The following ADAMTS2 variants were observed in gnomAD, a reference collection of about 807,000 sequenced individuals.
The protein encoded by ADAMTS2 is A disintegrin and metalloproteinase with thrombospondin motifs 2.
Under a neutral mutation model 123.0 loss-of-function variants are expected in ADAMTS2, and 50 were observed. The ratio of observed to expected loss-of-function variants is 0.41; its 90% CI spans 0.32 to 0.51. ADAMTS2 has a LOEUF of 0.51. Among genes scored for constraint, ADAMTS2 ranks in the 20% least tolerant of loss-of-function variants. The probability of loss-of-function intolerance (pLI) is 0.35; values close to 1 mark genes in which losing one functional copy is unlikely to be tolerated. For missense variants in ADAMTS2, 1,494 were observed against 1,705.2 expected, an observed-to-expected ratio of 0.88 and a Z score of 2.18; for synonymous variants, 678 against 695.4, an observed-to-expected ratio of 0.98 and a Z score of 0.39.
At chr5:179,138,893 C>T (rs781289180) in intron 11 of ADAMTS2, among the ~76,000 whole-genome samples, 1 of 152,200 alleles carries the variant, frequency 6.6e-6, no homozygotes, top group Non-Finnish European at 1.5e-5. Flanking sequence ...GCGCAGCAGC[C>T]GGGACGCACC....
At position 179,183,403 on chromosome 5, in the gene ADAMTS2, C is replaced by T. The variant is rs112175670; in HGVS notation, c.892-2248G>A. Among the ~76,000 whole-genome samples, 556 of 152,334 alleles carry T rather than the reference C, an allele frequency of 3.6e-3. 4 individuals carry two copies. The highest frequency in any genetic ancestry group is 5.9e-3 in the Non-Finnish European group (399 of 68,026). On this transcript the variant is annotated intron_variant, in intron 4 of 21. Transcript: ENST00000251582. ...ATGAGGGGCCAGGCTTCTCCTCATC[C>T]TCAACCCCAACCTCACAGGTCATAC... is the stretch of plus-strand genomic sequence containing the variant.
rs10057914 is a variant in ADAMTS2, at chr5:179,136,708, T to C, written c.1952-666A>G. Among the ~76,000 whole-genome samples, 1,337 of 144,048 alleles carry C rather than the reference T, an allele frequency of 9.3e-3. 20 individuals are homozygous for C. Among genetic ancestry groups the C allele is most frequent in the African/African-American group, 0.034 (1,295 of 38,522 alleles). The allele number at this position is 144,048 out of a possible 152,430, so 94.5% of individuals were successfully genotyped here. ...AAAAAAGGCCAGGAGCAGTGGCTCA[T>C]GCCTGTAATCCCAGCACTTTGGGAG... On this transcript the variant is annotated intron_variant, in intron 12 of 21. Coordinates refer to ENST00000251582, the MANE Select transcript of ADAMTS2 (RefSeq NM_014244.5).
At chr5:179,320,764 A>G (rs1472377582) in intron 2 of ADAMTS2, among the ~76,000 whole-genome samples, 1 of 152,186 alleles carries the variant, frequency 6.6e-6, no homozygotes, top group East Asian at 1.9e-4. Flanking sequence ...TAGCTCAGGG[A>G]TGAGGACTTG....
At chr5:179,161,346 C>A (rs192134497) in intron 5 of ADAMTS2, among the ~76,000 whole-genome samples, 20 of 152,274 alleles carry the variant, frequency 1.3e-4, no homozygotes, top group African/African-American at 4.8e-4. Flanking sequence ...GGTGCTAGAG[C>A]GTGGGCCTTG....
chr5:179,269,347 T>G (rs4700794), intron 3 of ADAMTS2, among the ~76,000 whole-genome samples: 40,589 of 152,112 alleles, frequency 0.27, 5,614 homozygotes, highest in African/African-American at 0.35. Flanking sequence ...TACCCGAGAC[T>G]GGGCAACTTA....
At chr5:179,286,196 A>G (rs1363300130) in intron 2 of ADAMTS2, among the ~76,000 whole-genome samples, 1 of 142,958 alleles carries the variant, frequency 7.0e-6, no homozygotes, top group Non-Finnish European at 1.5e-5. Context: ...CTTGGGCTAC[A>G]GAGTGAGAGA....
chr5:179,208,686 C>T (rs1310988790), intron 3 of ADAMTS2, among the ~76,000 whole-genome samples: 1 of 152,204 alleles, frequency 6.6e-6, no homozygotes, highest in Non-Finnish European at 1.5e-5. Context: ...GCTGGCCAGG[C>T]TGACCTGCAG....
chr5:179,330,604 C>T (rs987819069), intron 2 of ADAMTS2, among the ~76,000 whole-genome samples: 3 of 152,224 alleles, frequency 2.0e-5, no homozygotes, highest in Non-Finnish European at 2.9e-5. Context: ...CCCCAGTGCC[C>T]GTGATCTCCA....
At position 179,140,014 on chromosome 5, in the gene ADAMTS2, T is replaced by A; in HGVS notation, c.1651A>T (p.Ile551Phe). Residue 551 changes from isoleucine (I) to phenylalanine (F), a missense_variant, in exon 11 of 22, where the codon ATC (isoleucine) becomes TTC (phenylalanine). This residue lies in a region of ADAMTS2 where 953 missense variants were observed against 1,124.7 expected (regional missense o/e 0.85). Coordinates refer to ENST00000251582, the MANE Select transcript of ADAMTS2 (RefSeq NM_014244.5). ...TTGAGGATGTCAGGTGTCAGCCAGA[T>A]GCAGTGTCCTTTAAAACAATGCTGA... is the stretch of plus-strand genomic sequence containing the variant. ...PGKHCFKGHCIWLTPDILKRD... is the reference protein window; with the variant it reads ...PGKHCFKGHCFWLTPDILKRD... 1 of 1,614,162 alleles carries A rather than the reference T, an allele frequency of 6.2e-7. No homozygotes were observed. Among genetic ancestry groups the A allele is most frequent in the Non-Finnish European group, 8.5e-7 (1 of 1,180,034 alleles).
rs1764243863 is a variant in ADAMTS2, at chr5:179,189,238, C to G, written c.892-8083G>C. Among the ~76,000 whole-genome samples the G allele has an allele frequency of 6.6e-6, 1 of 151,940 alleles. No individual in the cohort carries two copies. The highest frequency in any genetic ancestry group is 2.1e-4 in the South Asian group (1 of 4,822). On this transcript the variant is annotated intron_variant, in intron 4 of 21. Coordinates refer to ENST00000251582, the MANE Select transcript of ADAMTS2 (RefSeq NM_014244.5). The surrounding 1 kb of genome is among the most constrained non-coding windows in gnomAD (Gnocchi z 4.2). ...AACAGGCTTTGTGTGAGCAATAAAG[C>G]TTTTTAATCACCTGGGTGCAGGTGG...
chr5:179,229,462 T>C (rs2431254), intron 3 of ADAMTS2, among the ~76,000 whole-genome samples: 7,726 of 25,574 alleles, frequency 0.3, 1,147 homozygotes, highest in East Asian at 0.43. Flanking sequence ...CACGAGACCC[T>C]GCTGCCCACT....
intron 4 of ADAMTS2, among the ~76,000 whole-genome samples, chr5:179,184,283 C>T (rs569558740): frequency 1.1e-3 from 174 of 152,188 alleles, no homozygotes; most frequent in Non-Finnish European, 1.8e-3. Flanking sequence ...GAGGCCAAGG[C>T]GGTGGATCAC....
chr5:179,243,697 C>T (rs1765717968), intron 3 of ADAMTS2, among the ~76,000 whole-genome samples: 1 of 152,102 alleles, frequency 6.6e-6, no homozygotes, highest in South Asian at 2.1e-4. Flanking sequence ...GTAAGAAAGC[C>T]CAGATGTCAG....
intron 3 of ADAMTS2, among the ~76,000 whole-genome samples, chr5:179,235,849 G>A (rs1407294939): frequency 3.9e-5 from 6 of 152,192 alleles, no homozygotes; most frequent in Non-Finnish European, 1.5e-5. Flanking sequence ...CTCCAACAGT[G>A]CCCCCACCCT....
chr5:179,313,691 C>T (rs11738068), intron 2 of ADAMTS2, among the ~76,000 whole-genome samples: 2 of 18,568 alleles, frequency 1.1e-4, no homozygotes, highest in African/African-American at 3.0e-4. Flanking sequence ...AGGACGCACA[C>T]GCATTCACAC....
chr5:179,209,447 G>A (rs948968552), intron 3 of ADAMTS2, among the ~76,000 whole-genome samples: 4 of 152,198 alleles, frequency 2.6e-5, no homozygotes, highest in Admixed American at 2.0e-4. Flanking sequence ...CAGCTGCTGG[G>A]GTTCCAGTAC....
intron 3 of ADAMTS2, among the ~76,000 whole-genome samples, chr5:179,240,051 T>A (rs986436593): frequency 6.6e-6 from 1 of 151,866 alleles, no homozygotes; most frequent in Admixed American, 6.6e-5. Flanking sequence ...ACCTAGGGGG[T>A]GCTGCTGAGA....
In ADAMTS2 at chr5:179,303,628, C is replaced by A. The variant is rs1378110836; in HGVS notation, c.535-30564G>T. Among the ~76,000 whole-genome samples, 1 of 152,216 alleles carries A rather than the reference C, an allele frequency of 6.6e-6. No individual in the cohort carries two copies. Among genetic ancestry groups the A allele is most frequent in the Non-Finnish European group, 1.5e-5 (1 of 68,040 alleles). On this transcript the variant is annotated intron_variant, in intron 2 of 21. Coordinates refer to ENST00000251582, the MANE Select transcript of ADAMTS2 (RefSeq NM_014244.5). This position sits in a 1 kb window ranked among gnomAD's most constrained non-coding sequence, Gnocchi z 4.7. The stretch of plus-strand genomic sequence containing the variant: ...CCGAATGCTCAGAGCCAAGCCAACA[C>A]CTCATTTTTCTTTCCTATTTCCTTT...
rs1386582966 is a variant in ADAMTS2, at chr5:179,129,799, T to G, written c.2457+133A>C. The G allele has an allele frequency of 7.3e-6, 9 of 1,237,424 alleles. No individual in the cohort carries two copies. Among genetic ancestry groups the G allele is most frequent in the Non-Finnish European group, 1.0e-5 (9 of 889,178 alleles). 76.7% of individuals were successfully genotyped at this position (1,237,424 alleles called of 1,614,324 possible). On this transcript the variant is annotated intron_variant, in intron 16 of 21. Coordinates refer to ENST00000251582, the MANE Select transcript of ADAMTS2 (RefSeq NM_014244.5). The surrounding 1 kb of genome is among the most constrained non-coding windows in gnomAD (Gnocchi z 4.1). The stretch of plus-strand genomic sequence containing the variant: ...CTCTGACCAAGTCGGAGCCCCTTGG[T>G]GCCAAAGGCAGGCCAAAGGGGCCAC...
Sources: gnomAD v4.1 joint callset for allele counts (sites outside exome capture counted in the v4.1 genomes callset) on GRCh38, gnomAD v4.1.1 for gene constraint, gnomAD v4.1.1 regional missense constraint, Gnocchi (gnomAD v3.1) non-coding constraint, MANE v1.5 for transcripts, NCBI Gene and HGNC (gene_info 2026-07-23, HGNC 2026-07-21) for gene names.